Variants in NKTR observed in about 807,000 individuals in gnomAD.
The protein encoded by NKTR is natural killer cell triggering receptor, also known as NK-tumor recognition protein.
In NKTR, 67 loss-of-function variants were observed where a neutral mutation model predicts 156.3. That is an observed-to-expected ratio of 0.43 (90% CI 0.35 to 0.53). The LOEUF (loss-of-function observed/expected upper bound fraction) is 0.53, where lower values mean the gene tolerates loss of function less well. NKTR is among the 20% of genes least tolerant of loss of function. The probability of loss-of-function intolerance (pLI) is 0.01; values close to 1 mark genes in which losing one functional copy is unlikely to be tolerated. For synonymous variants in NKTR, 640 were observed against 596.6 expected, an observed-to-expected ratio of 1.07 and a Z score of -1.06; for missense variants, 1,604 against 1,730.9, an observed-to-expected ratio of 0.93 and a Z score of 1.30.
chr3:42,625,717 G>A (rs1708316176), intron 6 of NKTR, among the ~76,000 whole-genome samples: 1 of 151,898 alleles, frequency 6.6e-6, no homozygotes, highest in African/African-American at 2.4e-5. Flanking sequence ...CTTTTTTTGG[G>A]GTAATACCTT....
At chr3:42,607,068 A>G (rs1322458663) in intron 2 of NKTR, among the ~76,000 whole-genome samples, 1 of 152,154 alleles carries the variant, frequency 6.6e-6, no homozygotes, top group Non-Finnish European at 1.5e-5. Flanking sequence ...AGGCTAAATG[A>G]TAAGATTGGT....
In NKTR at chr3:42,638,498, A is replaced by G. The variant is rs1030851290; in HGVS notation, c.2794A>G (p.Thr932Ala). Residue 932 changes from threonine to alanine, a missense_variant, in exon 13 of 17, where the codon ACA becomes GCA. Thr to Ala is a moderately conservative substitution (Grantham distance 58). This residue lies in a region of NKTR where 1,255 missense variants were observed against 1,243.7 expected (regional missense o/e 1.01). Transcript: ENST00000232978. ...VSEIHIKVKP[T>A]TKSSTNTSLP... is the part of the protein sequence containing the mutation. The stretch of plus-strand genomic sequence containing the variant: ...TGAAATTCACATCAAAGTCAAACCC[A>G]CAACCAAGTCGTCCACAAATACTTC... The G allele has an allele frequency of 9.3e-6, 15 of 1,611,450 alleles. No individual in the cohort carries two copies. Among genetic ancestry groups the G allele is most frequent in the African/African-American group, 1.3e-5 (1 of 74,748 alleles).
rs1710096822 is a variant in NKTR, at chr3:42,643,589, CA to C, written c.4199+196del. ...CATTGTACTCCAGTGTCAAAAATGA[CA>C]ATATCAAATTGTAATGGCAGGTGTT... On this transcript the variant is annotated intron_variant, in intron 15 of 16. Transcript: ENST00000232978. 1.4e-5 allele frequency: 9 copies of C among 626,408 alleles called. No individual in the cohort carries two copies. The South Asian group carries it at 1.8e-4, about 12-fold the overall frequency. 38.8% of individuals were successfully genotyped at this position (626,408 alleles called of 1,614,324 possible).
At chr3:42,610,378 C>G (rs1706668909) in intron 2 of NKTR, among the ~76,000 whole-genome samples, 1 of 152,154 alleles carries the variant, frequency 6.6e-6, no homozygotes, top group African/African-American at 2.4e-5. Context: ...TTGTTTCCTG[C>G]TTCACTGGAA....
intron 16 of NKTR, among the ~76,000 whole-genome samples, chr3:42,644,286 A>C (rs563885198): frequency 4.9e-4 from 74 of 152,306 alleles, no homozygotes; most frequent in African/African-American, 1.8e-3. Flanking sequence ...GAAAGAAAGA[A>C]GGCCACCCAA....
chr3:42,620,059 T>G (rs1053764927), intron 5 of NKTR: 2 of 1,534,212 alleles, frequency 1.3e-6, no homozygotes, highest in African/African-American at 1.4e-5. Context: ...AGAACGAAGC[T>G]CAGTAACACA....
At chr3:42,629,406 G>A (rs999625698) in intron 6 of NKTR, 29 of 929,090 alleles carry the variant, frequency 3.1e-5, no homozygotes, top group Non-Finnish European at 3.5e-5. Context: ...TTACAGAACC[G>A]AATATTCTTA....
intron 2 of NKTR, among the ~76,000 whole-genome samples, chr3:42,613,615 A>G (rs903947350): frequency 1.3e-5 from 2 of 152,118 alleles, no homozygotes; most frequent in Non-Finnish European, 2.9e-5. Context: ...CAGCGCAACT[A>G]TTTCTGAAAA....
At chr3:42,640,710 TACTG>T (rs757501729) in intron 13 of NKTR, among the ~76,000 whole-genome samples, 5 of 152,210 alleles carry the variant, frequency 3.3e-5, no homozygotes, top group Non-Finnish European at 7.3e-5. Context: ...TCTCTTAGTT[TACTG>T]ACTAAGACTT....
At chr3:42,632,922 T>G (rs1709049627) in intron 9 of NKTR, 99 bp downstream of exon 9, 1 of 1,320,396 alleles carries the variant, frequency 7.6e-7, no homozygotes, top group Admixed American at 3.7e-5. Flanking sequence ...TACCTGTTAT[T>G]GAAAAAGGAT....
intron 12 of NKTR, among the ~76,000 whole-genome samples, chr3:42,635,832 C>G (rs190584312): frequency 6.6e-6 from 1 of 151,402 alleles, no homozygotes; most frequent in Non-Finnish European, 1.5e-5. Flanking sequence ...GGTGTGAACC[C>G]GGGAGGTGGA....
In NKTR at chr3:42,621,463, C is replaced by T; in HGVS notation, c.321C>T (p.Phe107=). The change falls in exon 6 of 17, where the codon TTC becomes TTT. Residue 107 remains phenylalanine (F), a synonymous_variant. Transcript: ENST00000232978. ...TTATTCTCAAACATGACAGAGCGTT[C>T]CTTTTATCAATGGCAAATCGAGGGA... ...ENFILKHDRA[F]LLSMANRGKH... 3 of 1,609,674 alleles carry T rather than the reference C, an allele frequency of 1.9e-6. No homozygotes were observed. Among genetic ancestry groups the T allele is most frequent in the Non-Finnish European group, 2.5e-6 (3 of 1,177,630 alleles).
rs1705357869 is a variant in NKTR at position 42,600,976 on chromosome 3, T to C, written c.-23-8T>C. ...TGCCCTGACCGCTTTTCTCCCCCTCTCTCCCAGCTCTTGCCGCCACCTCGG... is the reference window on the plus strand; with the variant it reads ...TGCCCTGACCGCTTTTCTCCCCCTCCCTCCCAGCTCTTGCCGCCACCTCGG... On this transcript the variant is annotated splice_polypyrimidine_tract_variant and splice_region_variant and intron_variant, in intron 1 of 16. Transcript: ENST00000232978. The C allele has an allele frequency of 2.0e-6, 3 of 1,507,322 alleles. No individual in the cohort carries two copies. The highest frequency in any genetic ancestry group is 2.6e-5 in the East Asian group (1 of 38,110). 93.4% of individuals were successfully genotyped at this position (1,507,322 alleles called of 1,614,324 possible). A position where few individuals can be genotyped will look rare whatever the true frequency, so the allele number is the denominator to read the frequency against.
intron 6 of NKTR, chr3:42,629,601 C>T (rs1708706828): frequency 1.0e-6 from 1 of 979,850 alleles, no homozygotes; most frequent in African/African-American, 1.8e-5. Context: ...TGATATTTTT[C>T]TCTCTTTCAA....
At chr3:42,640,677 T>C (rs1285751164) in intron 13 of NKTR, among the ~76,000 whole-genome samples, 1 of 152,212 alleles carries the variant, frequency 6.6e-6, no homozygotes, top group Non-Finnish European at 1.5e-5. Flanking sequence ...GCTTGCTGCC[T>C]TCTGTGCCTT....
At chr3:42,626,167 A>AT (rs58733435) in intron 6 of NKTR, among the ~76,000 whole-genome samples, 9,344 of 144,174 alleles carry the variant, frequency 0.065, 865 homozygotes, top group African/African-American at 0.21. Context: ...ACAGTCACTT[A>AT]TTTTTTTTTT....
intron 15 of NKTR, 181 bp downstream of exon 15, chr3:42,643,576 G>C: frequency 1.6e-6 from 1 of 634,538 alleles, no homozygotes; most frequent in Non-Finnish European, 2.8e-6. Context: ...TTGTACTCCA[G>C]TGTCAAAAAT....
At chr3:42,620,334 T>C in intron 5 of NKTR, 1 of 1,146,284 alleles carries the variant, frequency 8.7e-7, no homozygotes. Flanking sequence ...TTGTATGTTT[T>C]CTTTTGTATA....
intron 2 of NKTR, among the ~76,000 whole-genome samples, chr3:42,609,450 A>G (rs968866330): frequency 2.6e-5 from 4 of 152,252 alleles, no homozygotes; most frequent in African/African-American, 9.6e-5. Flanking sequence ...AGTTTGTTCC[A>G]GAAGATTGTG....
Sources: allele counts gnomAD v4.1 joint callset (sites outside exome capture counted in the v4.1 genomes callset), GRCh38; gene constraint gnomAD v4.1.1; regional missense constraint gnomAD v4.1.1; transcripts MANE v1.5; gene names NCBI Gene and HGNC (gene_info 2026-07-23, HGNC 2026-07-21).